The following RBFOX1 variants were observed in gnomAD, a reference collection of about 807,000 sequenced individuals.
RBFOX1 encodes RNA binding protein fox-1 homolog 1.
A neutral mutation model predicts 57.7 loss-of-function variants in RBFOX1; 8 were observed. That is an observed-to-expected ratio of 0.14 (90% CI 0.08 to 0.25). The LOEUF (loss-of-function observed/expected upper bound fraction) is 0.25. RBFOX1 is among the 10% of genes least tolerant of loss of function. RBFOX1 has a pLI of 1.00. For synonymous variants in RBFOX1, 326 were observed against 222.4 expected (o/e 1.47, Z -4.15); for missense variants, 611 against 548.5 (o/e 1.11, Z -1.14).
intron 3 of RBFOX1, among the ~76,000 whole-genome samples, chr16:6,677,232 G>A (rs948781903): frequency 4.6e-5 from 7 of 152,114 alleles, no homozygotes; most frequent in African/African-American, 9.7e-5. Context: ...CAGGTTTTCC[G>A]TGCTCTAGAG....
chr16:7,401,498 T>A (rs1418541544), intron 4 of RBFOX1, among the ~76,000 whole-genome samples: 2 of 152,060 alleles, frequency 1.3e-5, no homozygotes, highest in Non-Finnish European at 2.9e-5. Context: ...CTCAAACAGA[T>A]TAGGTAGGTA....
intron 4 of RBFOX1, among the ~76,000 whole-genome samples, chr16:7,146,153 C>G (rs933908284): frequency 6.6e-6 from 1 of 152,188 alleles, no homozygotes; most frequent in Non-Finnish European, 1.5e-5. Flanking sequence ...GGCACAGTGT[C>G]GTTTACCCCA....
At chr16:5,487,200 C>G (rs1481802444) in intron 2 of RBFOX1, among the ~76,000 whole-genome samples, 1 of 152,178 alleles carries the variant, frequency 6.6e-6, no homozygotes, top group Non-Finnish European at 1.5e-5. Context: ...ATAGGTGTCA[C>G]TACATAATTA....
At chr16:6,415,342 A>G (rs1596885446) in intron 2 of RBFOX1, among the ~76,000 whole-genome samples, 1 of 151,968 alleles carries the variant, frequency 6.6e-6, no homozygotes. Context: ...CAAAAGATGC[A>G]GGTGACTTAA....
At chr16:5,390,422 G>A (rs1211811670) in intron 1 of RBFOX1, among the ~76,000 whole-genome samples, 2 of 151,652 alleles carry the variant, frequency 1.3e-5, no homozygotes, top group Non-Finnish European at 2.9e-5. Context: ...CTGAGTAGCT[G>A]GGATTACAGG....
At chr16:5,815,490 A>T (rs12449211) in intron 3 of RBFOX1, among the ~76,000 whole-genome samples, 94,897 of 151,730 alleles carry the variant, frequency 0.63, 30,336 homozygotes, top group South Asian at 0.71. Flanking sequence ...AAAAATGAGT[A>T]TTCAGTCACT....
At chr16:6,873,713 C>G (rs181046502) in intron 3 of RBFOX1, among the ~76,000 whole-genome samples, 1 of 152,166 alleles carries the variant, frequency 6.6e-6, no homozygotes, top group Admixed American at 6.5e-5. Context: ...CTGTCACTAT[C>G]ATCCTCTCAT....
intron 4 of RBFOX1, among the ~76,000 whole-genome samples, chr16:7,379,284 C>G (rs991193625): frequency 6.6e-6 from 1 of 152,208 alleles, no homozygotes; most frequent in Non-Finnish European, 1.5e-5. Context: ...TGCCCTGCCT[C>G]TTTCTGTCCA....
At position 6,777,449 on chromosome 16, in the gene RBFOX1, G is replaced by C. The variant is rs76350669; in HGVS notation, c.-16+122799G>C. On this transcript the variant is annotated intron_variant, in intron 3 of 15. Coordinates refer to ENST00000550418, the MANE Select transcript of RBFOX1 (RefSeq NM_018723.4). ...ACCAACCAAATAACACTAGGTATCAGTTTTCAGCTGCATGTAAACTCAACT... is the reference window on the plus strand; with the variant it reads ...ACCAACCAAATAACACTAGGTATCACTTTTCAGCTGCATGTAAACTCAACT... Among the ~76,000 whole-genome samples the C allele has an allele frequency of 6.3e-3, 953 of 152,226 alleles. 14 individuals carry two copies. Among genetic ancestry groups the C allele is most frequent in the African/African-American group, 0.022 (917 of 41,514 alleles).
At chr16:7,359,046 T>C (rs764832009) in intron 4 of RBFOX1, among the ~76,000 whole-genome samples, 1 of 152,214 alleles carries the variant, frequency 6.6e-6, no homozygotes, top group Non-Finnish European at 1.5e-5. Flanking sequence ...TCCTTCAACC[T>C]TGACTCACTT....
At chr16:6,819,117 T>C (rs925358657) in intron 3 of RBFOX1, among the ~76,000 whole-genome samples, 1 of 152,180 alleles carries the variant, frequency 6.6e-6, no homozygotes, top group African/African-American at 2.4e-5. Context: ...GATCCAACAA[T>C]TTCCATGTGG....
intron 4 of RBFOX1, among the ~76,000 whole-genome samples, chr16:7,455,419 C>T (rs2058298457): frequency 1.3e-5 from 2 of 152,282 alleles, no homozygotes; most frequent in Admixed American, 6.5e-5. Flanking sequence ...AAGAATATAA[C>T]AGCTCCCAGA....
chr16:5,917,854 C>G (rs2058742495), intron 4 of RBFOX1, among the ~76,000 whole-genome samples: 1 of 152,156 alleles, frequency 6.6e-6, no homozygotes, highest in Non-Finnish European at 1.5e-5. Flanking sequence ...ATTGCAGGGT[C>G]TAGCCCCTGG....
At chr16:6,862,820 A>G (rs1174612484) in intron 3 of RBFOX1, among the ~76,000 whole-genome samples, 1 of 152,056 alleles carries the variant, frequency 6.6e-6, no homozygotes, top group Non-Finnish European at 1.5e-5. Context: ...CCTCGTCTCT[A>G]CTAAAAATAC....
At chr16:7,699,940 G>T (rs1045919845) in intron 14 of RBFOX1, among the ~76,000 whole-genome samples, 1 of 152,196 alleles carries the variant, frequency 6.6e-6, no homozygotes, top group Non-Finnish European at 1.5e-5. Context: ...TGTTGTGACA[G>T]ATAATCTGGA....
chr16:7,642,096 G>C (rs1568240228), intron 11 of RBFOX1, among the ~76,000 whole-genome samples: 2 of 152,116 alleles, frequency 1.3e-5, no homozygotes, highest in Non-Finnish European at 2.9e-5. Flanking sequence ...GCCTGGGGGA[G>C]ACCCTGTCTC....
chr16:6,062,822 T>G (rs1028607556), intron 1 of RBFOX1, among the ~76,000 whole-genome samples: 37 of 152,112 alleles, frequency 2.4e-4, no homozygotes, highest in African/African-American at 8.4e-4. Flanking sequence ...ATATGAAATT[T>G]GTAGGGCAGA....
chr16:7,316,899 C>T (rs189657849), intron 4 of RBFOX1, among the ~76,000 whole-genome samples: 37 of 151,034 alleles, frequency 2.4e-4, no homozygotes, highest in African/African-American at 6.6e-4. Flanking sequence ...GGGCCAGAGA[C>T]GACTGGAGTT....
intron 1 of RBFOX1, among the ~76,000 whole-genome samples, chr16:6,051,128 A>G (rs571018315): frequency 1.8e-4 from 28 of 151,458 alleles, no homozygotes; most frequent in South Asian, 1.5e-3. Context: ...AAGTGGTGAC[A>G]AAACTGCAAT....
Sources: gnomAD v4.1 joint callset for allele counts (sites outside exome capture counted in the v4.1 genomes callset) on GRCh38, gnomAD v4.1.1 for gene constraint, MANE v1.5 for transcripts, NCBI Gene and HGNC (gene_info 2026-07-23, HGNC 2026-07-21) for gene names.